The following TOM1L2 variants were observed in gnomAD, a reference collection of about 807,000 sequenced individuals.
The protein encoded by TOM1L2 is TOM1-like protein 2.
A neutral mutation model predicts 67.9 loss-of-function variants in TOM1L2; 31 were observed. That is an observed-to-expected ratio of 0.46 (90% confidence interval 0.34 to 0.62). The LOEUF (loss-of-function observed/expected upper bound fraction) is 0.62. TOM1L2 is among the 20% of genes least tolerant of loss of function. The probability of loss-of-function intolerance (pLI) is 0.01; values close to 1 mark genes in which losing one functional copy is unlikely to be tolerated. For missense variants in TOM1L2, 606 were observed against 663.5 expected, an observed-to-expected ratio of 0.91 and a Z score of 0.95; for synonymous variants, 256 against 254.0, an observed-to-expected ratio of 1.01 and a Z score of -0.07.
At chr17:17,960,348 C>T (rs2041632330) in intron 1 of TOM1L2, among the ~76,000 whole-genome samples, 1 of 151,208 alleles carries the variant, frequency 6.6e-6, no homozygotes, top group Non-Finnish European at 1.5e-5. Context: ...TTTTTTTTTT[C>T]TGAGACAGGG....
rs2035960141 is a variant in TOM1L2 at position 17,851,237 on chromosome 17, A to G, written c.1279-285T>C. On this transcript the variant is annotated intron_variant, in intron 12 of 14. Coordinates refer to ENST00000379504, the MANE Select transcript of TOM1L2 (RefSeq NM_001082968.2). ...CGTTCTTGAAATGGAGAACTTTTTG[A>G]CTATGAGTGTCCACTCTCACATTGC... 6.6e-6 allele frequency: 3 copies of G among 457,780 alleles called. No homozygotes were observed. The Admixed American group carries it at 1.1e-4, about 16-fold the overall frequency. The allele number at this position is 457,780 out of a possible 1,614,324, so 28.4% of individuals were successfully genotyped here.
chr17:17,847,312 A>C lies in TOM1L2; in HGVS notation c.*323T>G. The C allele has an allele frequency of 3.0e-6, 1 of 337,194 alleles. No homozygotes were observed. The highest frequency in any genetic ancestry group is 5.5e-6 in the Non-Finnish European group (1 of 182,940). The allele number at this position is 337,194 out of a possible 1,614,324, so 20.9% of individuals were successfully genotyped here. ...TCTTTCTCCATGGGCGGGTGGAGGAAAGACAGTCCGGGTGGTCTGCTCAGG... is the reference window on the plus strand; with the variant it reads ...TCTTTCTCCATGGGCGGGTGGAGGACAGACAGTCCGGGTGGTCTGCTCAGG... On this transcript the variant is annotated 3_prime_UTR_variant, in exon 15 of 15. Coordinates refer to ENST00000379504, the MANE Select transcript of TOM1L2 (RefSeq NM_001082968.2).
At chr17:17,869,710 T>C (rs1013921319) in intron 7 of TOM1L2, 2 of 1,321,482 alleles carry the variant, frequency 1.5e-6, no homozygotes, top group African/African-American at 1.5e-5. Flanking sequence ...CTGTTGTATG[T>C]ATACAAGTAC....
At chr17:17,894,967 A>G (rs893002041) in intron 3 of TOM1L2, among the ~76,000 whole-genome samples, 82 of 136,476 alleles carry the variant, frequency 6.0e-4, no homozygotes, top group Middle Eastern at 3.6e-3. Flanking sequence ...ATACATACAT[A>G]CATACATACA....
intron 1 of TOM1L2, among the ~76,000 whole-genome samples, chr17:17,942,039 T>TTGA (rs2040756363): frequency 1.3e-5 from 2 of 152,236 alleles, no homozygotes; most frequent in Non-Finnish European, 2.9e-5. Context: ...ATTTGAATGT[T>TTGA]CTGTTCTCTC....
chr17:17,969,215 C>T (rs1253313235), intron 1 of TOM1L2, among the ~76,000 whole-genome samples: 1 of 152,050 alleles, frequency 6.6e-6, no homozygotes, highest in Non-Finnish European at 1.5e-5. Context: ...CACCACCACA[C>T]CCGGCTCATT....
intron 1 of TOM1L2, among the ~76,000 whole-genome samples, chr17:17,937,286 TC>T (rs751577933): frequency 6.6e-6 from 1 of 152,214 alleles, no homozygotes; most frequent in Non-Finnish European, 1.5e-5. Flanking sequence ...TCTACTGTAA[TC>T]CTATTCAAGG....
chr17:17,951,774 G>A (rs1222683439), intron 1 of TOM1L2, among the ~76,000 whole-genome samples: 2 of 152,172 alleles, frequency 1.3e-5, no homozygotes, highest in Non-Finnish European at 1.5e-5. Flanking sequence ...GTTAGCCGAA[G>A]GCAACTTTCA....
At chr17:17,961,649 G>A (rs1296685605) in intron 1 of TOM1L2, among the ~76,000 whole-genome samples, 3 of 152,018 alleles carry the variant, frequency 2.0e-5, no homozygotes, top group East Asian at 3.9e-4. Context: ...CGAGGCGGGC[G>A]CATCATGAGG....
intron 4 of TOM1L2, among the ~76,000 whole-genome samples, chr17:17,892,343 C>G (rs2038331122): frequency 6.6e-6 from 1 of 152,186 alleles, no homozygotes; most frequent in African/African-American, 2.4e-5. Context: ...TTGCTGGAGC[C>G]CCACGCCCAG....
chr17:17,968,220 C>A (rs2041936393), intron 1 of TOM1L2, among the ~76,000 whole-genome samples: 1 of 152,236 alleles, frequency 6.6e-6, no homozygotes, highest in Non-Finnish European at 1.5e-5. Flanking sequence ...GAGCCTGGCA[C>A]AGGCCTGGCC....
At chr17:17,943,517 A>G (rs891435703) in intron 1 of TOM1L2, among the ~76,000 whole-genome samples, 8 of 152,218 alleles carry the variant, frequency 5.3e-5, no homozygotes, top group Admixed American at 2.6e-4. Context: ...AGGAATGTGA[A>G]GGCAAAGGAG....
chr17:17,965,282 T>C (rs964376868), intron 1 of TOM1L2, among the ~76,000 whole-genome samples: 22 of 152,254 alleles, frequency 1.4e-4, no homozygotes, highest in African/African-American at 4.8e-4. Context: ...AGCCAACATA[T>C]GAAGCAAGCC....
Position 17,907,524 on chromosome 17 carries a change from T to C in TOM1L2, c.60A>G (p.Ala20=). ...CCTCACTTTGCAGGGAGCCATCTGT[T>C]GCCTTTTCTGTGAAATCAGAGAGAA... ...STPVGQCLEK[A]TDGSLQSEDW... The change falls in exon 2 of 15, where the codon GCA becomes GCG. Residue 20 remains alanine (A), a synonymous_variant. Transcript: ENST00000379504. 1 of 1,613,860 alleles carries C rather than the reference T, an allele frequency of 6.2e-7. No individual in the cohort carries two copies. Among genetic ancestry groups the C allele is most frequent in the Non-Finnish European group, 8.5e-7 (1 of 1,179,830 alleles).
intron 10 of TOM1L2, chr17:17,863,196 G>T: frequency 4.4e-6 from 1 of 227,652 alleles, no homozygotes. Flanking sequence ...CAATGTCCAA[G>T]GACCTGGAAC....
rs2035525498 is a variant in TOM1L2, at chr17:17,844,178, G to T, written c.*3457C>A. Reference sequence around the variant, plus strand: ...CCCAGGGGCTGGCCTGGCCCCAGGTGGGCCCATGGCCTACCCCAAGCCATC... The same window carrying T: ...CCCAGGGGCTGGCCTGGCCCCAGGTTGGCCCATGGCCTACCCCAAGCCATC... On this transcript the variant is annotated 3_prime_UTR_variant, in exon 15 of 15. Transcript: ENST00000379504. The T allele has an allele frequency of 6.6e-6, 1 of 152,314 alleles. No homozygotes were observed. The highest frequency in any genetic ancestry group is 1.5e-5 in the Non-Finnish European group (1 of 68,106). 9.4% of individuals were successfully genotyped at this position (152,314 alleles called of 1,614,324 possible). A position where few individuals can be genotyped will look rare whatever the true frequency, so the allele number is the denominator to read the frequency against.
intron 2 of TOM1L2, among the ~76,000 whole-genome samples, chr17:17,903,636 G>A (rs4925128): frequency 0.056 from 8,479 of 151,436 alleles, 703 homozygotes; most frequent in African/African-American, 0.18. Flanking sequence ...AAAAATGTTG[G>A]GTAAAACAGA....
In TOM1L2 at chr17:17,892,018, T is replaced by C. The variant is rs113588658; in HGVS notation, c.366+1643A>G. Among the ~76,000 whole-genome samples, 1,266 of 152,160 alleles carry C rather than the reference T, an allele frequency of 8.3e-3. 19 individuals carry two copies. The highest frequency in any genetic ancestry group is 0.029 in the African/African-American group (1,219 of 41,500). On this transcript the variant is annotated intron_variant, in intron 4 of 14. Coordinates refer to ENST00000379504, the MANE Select transcript of TOM1L2 (RefSeq NM_001082968.2). ...TGGGGACAGCATGTCCCTGGGTTCT[T>C]AGGGAACGAAGAATGAGGCAGACAA...
chr17:17,966,518 C>T (rs138999765), intron 1 of TOM1L2, among the ~76,000 whole-genome samples: 80 of 152,300 alleles, frequency 5.3e-4, no homozygotes, highest in African/African-American at 1.9e-3. Flanking sequence ...TGCTACTTCC[C>T]ACCCCAAACC....
Sources: gnomAD v4.1 joint callset for allele counts (sites outside exome capture counted in the v4.1 genomes callset) on GRCh38, gnomAD v4.1.1 for gene constraint, MANE v1.5 for transcripts, NCBI Gene and HGNC (gene_info 2026-07-23, HGNC 2026-07-21) for gene names.